The following ARFIP1 variants were observed in gnomAD, a reference collection of about 807,000 sequenced individuals.
ARFIP1 encodes the protein ARF interacting protein 1.
A neutral mutation model predicts 42.5 loss-of-function variants in ARFIP1; 24 were observed. The observed-to-expected ratio is 0.57, with a 90% CI of 0.41 to 0.80. The LOEUF (loss-of-function observed/expected upper bound fraction) is 0.80. Among genes scored for constraint, ARFIP1 ranks in the 30% least tolerant of loss-of-function variants. ARFIP1 has a pLI of 0.00. For synonymous variants in ARFIP1, 141 were observed against 153.7 expected (o/e 0.92, Z 0.61); for missense variants, 354 against 434.0 (o/e 0.82, Z 1.64).
At chr4:152,809,887 AAG>A (rs1729311957) in intron 1 of ARFIP1, among the ~76,000 whole-genome samples, 1 of 152,230 alleles carries the variant, frequency 6.6e-6, no homozygotes, top group Non-Finnish European at 1.5e-5. Context: ...ATGGTCATGT[AAG>A]AGTATTTGCT....
chr4:152,882,917 A>T (rs767188884), intron 7 of ARFIP1, 37 bp downstream of exon 7: 3 of 1,568,938 alleles, frequency 1.9e-6, no homozygotes, highest in Middle Eastern at 1.8e-4. Flanking sequence ...TCTGTTTTAC[A>T]GATGGCATAT....
intron 1 of ARFIP1, among the ~76,000 whole-genome samples, chr4:152,807,679 G>A (rs1180571083): frequency 6.6e-6 from 1 of 150,566 alleles, no homozygotes; most frequent in African/African-American, 2.4e-5. Context: ...TATAGATATT[G>A]TAACTGATTT....
intron 2 of ARFIP1, among the ~76,000 whole-genome samples, chr4:152,848,607 A>C (rs1362859602): frequency 6.6e-6 from 1 of 151,996 alleles, no homozygotes; most frequent in East Asian, 1.9e-4. Context: ...GAAATACAAG[A>C]AATTGTTGGA....
intron 1 of ARFIP1, among the ~76,000 whole-genome samples, chr4:152,795,063 A>G (rs1201606954): frequency 1.3e-5 from 2 of 152,126 alleles, no homozygotes; most frequent in East Asian, 3.9e-4. Flanking sequence ...TAGCCTTGCT[A>G]CTCTGTTCCC....
intron 8 of ARFIP1, among the ~76,000 whole-genome samples, chr4:152,908,634 A>G (rs1429900529): frequency 2.0e-5 from 3 of 152,138 alleles, no homozygotes; most frequent in Non-Finnish European, 4.4e-5. Context: ...GAAATTCTAA[A>G]TTTTAATGCA....
intron 1 of ARFIP1, among the ~76,000 whole-genome samples, chr4:152,780,784 T>A (rs1489086684): frequency 6.6e-6 from 1 of 152,230 alleles, no homozygotes; most frequent in African/African-American, 2.4e-5. Context: ...GCTCCGTTCC[T>A]GTTTGCCAAG....
chr4:152,872,452 G>T lies in ARFIP1; in HGVS notation c.299G>T (p.Gly100Val), dbSNP rs371824517. ...GTTTTTATCTTTTGTTATCTTGCAG[G>T]TGGCCAGAGAACACAGACAAAAAGT... The part of the protein sequence containing the change: ...QQGSDLIVPA[G>V]GQRTQTKSGP... Residue 100 changes from glycine to valine, a missense_variant and splice_region_variant, in exon 5 of 9, where the codon GGT becomes GTT. Transcript: ENST00000353617. 6.3e-7 allele frequency: 1 copy of T among 1,592,800 alleles called. No homozygotes were observed.
intron 2 of ARFIP1, among the ~76,000 whole-genome samples, chr4:152,855,222 G>A (rs762426322): frequency 2.6e-5 from 4 of 152,138 alleles, no homozygotes; most frequent in South Asian, 2.1e-4. Context: ...GGTGCCAGTG[G>A]TAGTGGACTG....
chr4:152,834,461 G>A (rs1731490410), intron 2 of ARFIP1, among the ~76,000 whole-genome samples: 1 of 152,174 alleles, frequency 6.6e-6, no homozygotes, highest in Non-Finnish European at 1.5e-5. Flanking sequence ...AAGATACAAT[G>A]GTAGTACCGG....
intron 1 of ARFIP1, among the ~76,000 whole-genome samples, chr4:152,795,241 T>C (rs570443892): frequency 6.6e-6 from 1 of 152,284 alleles, no homozygotes; most frequent in East Asian, 1.9e-4. Context: ...CCCTTCATTC[T>C]TACATGAACA....
intron 7 of ARFIP1, among the ~76,000 whole-genome samples, chr4:152,887,287 G>C (rs1201335283): frequency 1.3e-5 from 2 of 151,898 alleles, no homozygotes; most frequent in Admixed American, 6.6e-5. Context: ...TGAGTTGATG[G>C]GGGGAGAATA....
At chr4:152,810,202 T>G (rs1438615299) in intron 1 of ARFIP1, 1 of 152,186 alleles carries the variant, frequency 6.6e-6, no homozygotes, top group Non-Finnish European at 1.5e-5. Flanking sequence ...ACAGAGTGTG[T>G]GCCTAATACT....
chr4:152,854,605 A>G (rs1733271889), intron 2 of ARFIP1, among the ~76,000 whole-genome samples: 1 of 152,056 alleles, frequency 6.6e-6, no homozygotes, highest in Non-Finnish European at 1.5e-5. Context: ...TGAATTTGCT[A>G]TTGTAGGGGA....
intron 5 of ARFIP1, among the ~76,000 whole-genome samples, chr4:152,877,457 C>T (rs1199057715): frequency 1.3e-5 from 2 of 152,192 alleles, no homozygotes; most frequent in Admixed American, 1.3e-4. Context: ...CCTGTACCCC[C>T]ATTGTATCTA....
intron 8 of ARFIP1, among the ~76,000 whole-genome samples, chr4:152,890,879 AT>A (rs1736788529): frequency 1.3e-5 from 2 of 152,156 alleles, no homozygotes; most frequent in South Asian, 4.1e-4. Context: ...ATTCTCAAGG[AT>A]TTTATGTTCT....
At chr4:152,807,781 A>T (rs1423940877) in intron 1 of ARFIP1, among the ~76,000 whole-genome samples, 2 of 149,724 alleles carry the variant, frequency 1.3e-5, no homozygotes. Context: ...GATTATCAGT[A>T]TTTTTCTTTT....
rs573260061 is a variant in ARFIP1 at position 152,841,096 on chromosome 4, C to T, written c.93+11370C>T. 5.3e-5 allele frequency among the ~76,000 whole-genome samples: 8 copies of T among 151,704 alleles called. No homozygotes were observed. In the South Asian group the frequency reaches 8.4e-4, roughly 16 times the overall value. On this transcript the variant is annotated intron_variant, in intron 2 of 8. Coordinates refer to ENST00000353617, the MANE Select transcript of ARFIP1 (RefSeq NM_001025595.3). The stretch of plus-strand genomic sequence containing the variant: ...CTGTTGCCAGGCTAGAGTGCAGTGG[C>T]GTGATCTCGGCTCACTGCAACCTCC...
At chr4:152,867,235 T>C (rs1734476891) in intron 3 of ARFIP1, among the ~76,000 whole-genome samples, 1 of 152,214 alleles carries the variant, frequency 6.6e-6, no homozygotes, top group African/African-American at 2.4e-5. Context: ...AGACTCCGTC[T>C]GCAATCCCGG....
intron 1 of ARFIP1, among the ~76,000 whole-genome samples, chr4:152,783,758 T>C (rs1344981901): frequency 6.6e-6 from 1 of 152,186 alleles, no homozygotes; most frequent in African/African-American, 2.4e-5. Context: ...AATATCATAC[T>C]GAGAAGTTTG....
Sources: gnomAD v4.1 joint callset for allele counts (sites outside exome capture counted in the v4.1 genomes callset) on GRCh38, gnomAD v4.1.1 for gene constraint, MANE v1.5 for transcripts, NCBI Gene and HGNC (gene_info 2026-07-23, HGNC 2026-07-21) for gene names.